DIAPH3: variants seen among roughly 807,000 people sequenced by gnomAD.
DIAPH3 encodes diaphanous related formin 3, also known as protein diaphanous homolog 3.
A neutral mutation model predicts 144.3 loss-of-function variants in DIAPH3; 117 were observed. The ratio of observed to expected loss-of-function variants is 0.81; its 90% confidence interval spans 0.70 to 0.95. The LOEUF (loss-of-function observed/expected upper bound fraction) is 0.95, where lower values mean the gene tolerates loss of function less well. Ranked by LOEUF, DIAPH3 falls within the 40% of genes least tolerant of loss-of-function variation. The pLI is 0.00. For synonymous variants in DIAPH3, 519 were observed against 488.9 expected (o/e 1.06, Z -0.81); for missense variants, 1,421 against 1,412.7 (o/e 1.01, Z -0.09).
chr13:60,083,353 G>C (rs2057629577), intron 4 of DIAPH3, among the ~76,000 whole-genome samples: 1 of 151,930 alleles, frequency 6.6e-6, no homozygotes, highest in South Asian at 2.1e-4. Context: ...TAACCAAACA[G>C]TATTTGAGAG....
At chr13:60,131,652 G>T (rs984468021) in intron 2 of DIAPH3, among the ~76,000 whole-genome samples, 4 of 152,060 alleles carry the variant, frequency 2.6e-5, no homozygotes, top group African/African-American at 9.7e-5. Flanking sequence ...GGAAAACAGA[G>T]AGGGATTATT....
chr13:60,138,450 G>A (rs1302354274), intron 1 of DIAPH3, among the ~76,000 whole-genome samples: 1 of 152,202 alleles, frequency 6.6e-6, no homozygotes, highest in East Asian at 1.9e-4. Context: ...GAAGGGTATA[G>A]ATAAGAAGTA....
intron 27 of DIAPH3, among the ~76,000 whole-genome samples, chr13:59,715,075 C>T (rs1246810626): frequency 2.0e-5 from 3 of 151,990 alleles, no homozygotes; most frequent in Non-Finnish European, 4.4e-5. Flanking sequence ...TAGGATAGAC[C>T]GTATTTTCCC....
chr13:60,139,448 T>A (rs1283536960), intron 1 of DIAPH3, among the ~76,000 whole-genome samples: 1 of 152,166 alleles, frequency 6.6e-6, no homozygotes, highest in Non-Finnish European at 1.5e-5. Context: ...TTACTCACTA[T>A]CCAAAGCTTC....
intron 5 of DIAPH3, among the ~76,000 whole-genome samples, chr13:60,028,998 G>T (rs1566680602): frequency 6.6e-6 from 1 of 151,686 alleles, no homozygotes; most frequent in Non-Finnish European, 1.5e-5. Context: ...GGCGGAGGTT[G>T]CAGTGAGCTG....
At chr13:59,817,464 G>A (rs1377356796) in intron 24 of DIAPH3, among the ~76,000 whole-genome samples, 4 of 151,806 alleles carry the variant, frequency 2.6e-5, no homozygotes. Context: ...TGAGTCAATT[G>A]TACCTATTAA....
intron 25 of DIAPH3, among the ~76,000 whole-genome samples, chr13:59,800,795 T>C (rs2039865361): frequency 1.3e-5 from 2 of 152,174 alleles, no homozygotes; most frequent in South Asian, 4.1e-4. Context: ...CCAACGATCA[T>C]AAACAATATT....
Position 60,047,870 on chromosome 13 carries a change from T to C in DIAPH3, c.496-5050A>G, listed in dbSNP as rs954266551. 4.9e-4 allele frequency among the ~76,000 whole-genome samples: 75 copies of C among 152,146 alleles called. 1 individual carries two copies. The highest frequency in any genetic ancestry group is 1.3e-4 in the Non-Finnish European group (9 of 68,018). On this transcript the variant is annotated intron_variant, in intron 4 of 27. Coordinates refer to ENST00000400324, the MANE Select transcript of DIAPH3 (RefSeq NM_001042517.2). ...AAATATTTGCAATACAGTTAAGAAC[T>C]GTATAGTGTCTGAGATTTCAACTGT...
chr13:60,019,044 T>G (rs570355410), intron 5 of DIAPH3, among the ~76,000 whole-genome samples: 14 of 152,260 alleles, frequency 9.2e-5, no homozygotes, highest in East Asian at 1.9e-4. Flanking sequence ...TTCAGCAATA[T>G]TATTTTTAAA....
intron 21 of DIAPH3, among the ~76,000 whole-genome samples, chr13:59,871,663 C>T (rs993441501): frequency 1.3e-5 from 2 of 152,174 alleles, no homozygotes; most frequent in African/African-American, 4.8e-5. Flanking sequence ...TTTACTTGAA[C>T]AGATTTAGAG....
At chr13:59,943,211 T>C (rs545372230) in intron 17 of DIAPH3, among the ~76,000 whole-genome samples, 4 of 152,282 alleles carry the variant, frequency 2.6e-5, no homozygotes, top group African/African-American at 9.6e-5. Flanking sequence ...TCAACGAAGA[T>C]CAGCAGTTTC....
rs117267602 is a variant in DIAPH3 at position 59,705,362 on chromosome 13, T to G, written c.3320-38516A>C. ...TCCCACGGTGCCACTCAGATTCTAC[T>G]CAGAACAATCTGCCAATTTTTCTAT... On this transcript the variant is annotated intron_variant, in intron 27 of 27. Coordinates refer to ENST00000400324, the MANE Select transcript of DIAPH3 (RefSeq NM_001042517.2). Among the ~76,000 whole-genome samples the G allele has an allele frequency of 1.8e-4, 27 of 152,346 alleles. No homozygotes were observed. The East Asian group carries it at 5.2e-3, about 29-fold the overall frequency.
At chr13:60,095,070 G>C (rs1290071284) in intron 3 of DIAPH3, among the ~76,000 whole-genome samples, 1 of 152,108 alleles carries the variant, frequency 6.6e-6, no homozygotes, top group East Asian at 1.9e-4. Flanking sequence ...GATGCTACCA[G>C]CATTTACAGG....
chr13:60,105,356 T>G (rs1312717662), intron 3 of DIAPH3, among the ~76,000 whole-genome samples: 1 of 152,160 alleles, frequency 6.6e-6, no homozygotes. Flanking sequence ...AACAGCATGC[T>G]GAAATATTAC....
intron 4 of DIAPH3, among the ~76,000 whole-genome samples, chr13:60,046,384 A>C (rs2056067669): frequency 2.0e-5 from 3 of 152,354 alleles, no homozygotes; most frequent in Admixed American, 6.5e-5. Context: ...GCTCATCATC[A>C]CTGGTCATTA....
chr13:59,746,020 A>C (rs1172545356), intron 27 of DIAPH3, among the ~76,000 whole-genome samples: 1 of 152,208 alleles, frequency 6.6e-6, no homozygotes, highest in Non-Finnish European at 1.5e-5. Flanking sequence ...CAATGTTTAC[A>C]TCTTAAAAAC....
chr13:59,706,800 TC>T, intron 27 of DIAPH3, among the ~76,000 whole-genome samples: 1 of 152,358 alleles, frequency 6.6e-6, no homozygotes, highest in African/African-American at 2.4e-5. Flanking sequence ...TTTTTTTCTC[TC>T]CTGTTAGTCA....
intron 18 of DIAPH3, among the ~76,000 whole-genome samples, chr13:59,917,619 G>A (rs1241267427): frequency 2.0e-5 from 3 of 151,862 alleles, no homozygotes; most frequent in Admixed American, 6.6e-5. Context: ...GGCCAGGCAC[G>A]GTGGCTCACG....
chr13:59,937,683 C>T (rs1033106625), intron 17 of DIAPH3, among the ~76,000 whole-genome samples: 4 of 152,018 alleles, frequency 2.6e-5, no homozygotes, highest in African/African-American at 9.7e-5. Flanking sequence ...TTCCAAAATA[C>T]TGAAAAAGAA....
Sources: allele counts gnomAD v4.1 joint callset (sites outside exome capture counted in the v4.1 genomes callset), GRCh38; gene constraint gnomAD v4.1.1; transcripts MANE v1.5; gene names NCBI Gene and HGNC (gene_info 2026-07-23, HGNC 2026-07-21).